The following PEX14 variants were observed in gnomAD, a reference collection of about 807,000 sequenced individuals.
PEX14 encodes the protein peroxisomal biogenesis factor 14.
A neutral mutation model predicts 49.5 loss-of-function variants in PEX14; 15 were observed. The ratio of observed to expected loss-of-function variants is 0.30; its 90% confidence interval spans 0.20 to 0.47. PEX14 has a LOEUF of 0.47. Among genes scored for constraint, PEX14 ranks in the 20% least tolerant of loss-of-function variants. The pLI is 1.00. For synonymous variants in PEX14, 210 were observed against 212.7 expected, an observed-to-expected ratio of 0.99 and a Z score of 0.11; for missense variants, 398 against 494.8, an observed-to-expected ratio of 0.80 and a Z score of 1.86.
At chr1:10,505,578 G>A (rs1641767883) in intron 2 of PEX14, among the ~76,000 whole-genome samples, 2 of 151,684 alleles carry the variant, frequency 1.3e-5, no homozygotes, top group African/African-American at 4.8e-5. Flanking sequence ...GGGTCCCACC[G>A]TGTTGGCCAG....
chr1:10,501,820 A>C (rs961810710), intron 2 of PEX14, among the ~76,000 whole-genome samples: 1 of 152,080 alleles, frequency 6.6e-6, no homozygotes, highest in Non-Finnish European at 1.5e-5. Context: ...CTGAGGTGGG[A>C]GGCTTACTTA....
At chr1:10,549,013 G>A (rs1329620930) in intron 3 of PEX14, among the ~76,000 whole-genome samples, 1 of 152,122 alleles carries the variant, frequency 6.6e-6, no homozygotes, top group Non-Finnish European at 1.5e-5. Flanking sequence ...AGATTGTTGA[G>A]TAGATTGTCT....
intron 4 of PEX14, among the ~76,000 whole-genome samples, chr1:10,609,929 G>T (rs558150997): frequency 6.3e-4 from 96 of 151,548 alleles, no homozygotes; most frequent in Middle Eastern, 6.8e-3. Flanking sequence ...TGTATAAATG[G>T]AACCATATAG....
chr1:10,550,293 G>C (rs143700129), intron 3 of PEX14, among the ~76,000 whole-genome samples: 1 of 152,200 alleles, frequency 6.6e-6, no homozygotes, highest in Non-Finnish European at 1.5e-5. Flanking sequence ...ATTTGATCTA[G>C]GAACTCCTGC....
intron 2 of PEX14, among the ~76,000 whole-genome samples, chr1:10,499,104 A>G (rs892295966): frequency 6.6e-6 from 1 of 152,252 alleles, no homozygotes; most frequent in Non-Finnish European, 1.5e-5. Context: ...TTGTTTGGAT[A>G]CTGAAACTTG....
intron 3 of PEX14, among the ~76,000 whole-genome samples, chr1:10,571,037 T>C: frequency 1.2e-5 from 1 of 82,374 alleles, no homozygotes; most frequent in South Asian, 3.6e-4. Context: ...TTTTTTTTTT[T>C]GTAGAGACGG....
chr1:10,495,191 G>A lies in PEX14; in HGVS notation c.37-83G>A, dbSNP rs899612889. On this transcript the variant is annotated intron_variant, in intron 1 of 8. Transcript: ENST00000356607. This position sits in a 1 kb window ranked among gnomAD's most constrained non-coding sequence, Gnocchi z 4.2. ...TGAGAAAGAGGTGCCAGCGTGCATCGTTTGAGAACGGAACATCTTTGGTTT... is the reference window on the plus strand; with the variant it reads ...TGAGAAAGAGGTGCCAGCGTGCATCATTTGAGAACGGAACATCTTTGGTTT... 6 of 1,577,734 alleles carry A rather than the reference G, an allele frequency of 3.8e-6. No homozygotes were observed. The East Asian group carries it at 9.0e-5, about 24-fold the overall frequency.
chr1:10,626,925 C>T (rs1288465457), intron 7 of PEX14, among the ~76,000 whole-genome samples: 1 of 152,208 alleles, frequency 6.6e-6, no homozygotes, highest in Non-Finnish European at 1.5e-5. Context: ...TGGCTGTTTC[C>T]TCTTTCCACC....
intron 1 of PEX14, among the ~76,000 whole-genome samples, chr1:10,488,070 T>C (rs1257125499): frequency 6.6e-6 from 1 of 152,086 alleles, no homozygotes; most frequent in African/African-American, 2.4e-5. Flanking sequence ...CATCAGCCAC[T>C]GTGCCTGGCC....
intron 3 of PEX14, among the ~76,000 whole-genome samples, chr1:10,562,642 G>T (rs1570270600): frequency 6.6e-6 from 1 of 152,170 alleles, no homozygotes; most frequent in Non-Finnish European, 1.5e-5. Context: ...CATTGATTTT[G>T]ATTTGTTCTG....
chr1:10,531,200 T>G (rs917691815), intron 2 of PEX14, among the ~76,000 whole-genome samples: 14 of 152,142 alleles, frequency 9.2e-5, no homozygotes, highest in African/African-American at 3.1e-4. Flanking sequence ...GATATATAGC[T>G]TCATAATTAG....
rs138233066 is a variant in PEX14 at position 10,475,472 on chromosome 1, G to C, written c.36+470G>C. Among the ~76,000 whole-genome samples the C allele has an allele frequency of 5.9e-3, 899 of 152,320 alleles. 8 individuals carry two copies. The highest frequency in any genetic ancestry group is 0.02 in the African/African-American group (843 of 41,570). ...AGCCTCTTCATCTGTGGTCACCTTT[G>C]CGCTTCTCTCGTCAAGTTGGATAGT... On this transcript the variant is annotated intron_variant, in intron 1 of 8. Coordinates refer to ENST00000356607, the MANE Select transcript of PEX14 (RefSeq NM_004565.3).
chr1:10,504,219 C>T (rs976400984), intron 2 of PEX14, among the ~76,000 whole-genome samples: 1 of 152,136 alleles, frequency 6.6e-6, no homozygotes, highest in African/African-American at 2.4e-5. Flanking sequence ...CCTCCCAGCT[C>T]TCCTTTCTTT....
At position 10,599,149 on chromosome 1, in the gene PEX14, T is replaced by A. The variant is rs1640909757; in HGVS notation, c.170-89T>A. On this transcript the variant is annotated intron_variant, in intron 3 of 8. Transcript: ENST00000356607. Reference sequence around the variant, plus strand: ...ACTAGGATGCGAGGCATTCTGTGGCTGTAAAGGTCTTTGCTCAGTGAAGAT... The same window carrying A: ...ACTAGGATGCGAGGCATTCTGTGGCAGTAAAGGTCTTTGCTCAGTGAAGAT... The A allele has an allele frequency of 7.4e-6, 10 of 1,343,324 alleles. 1 individual carries two copies. The South Asian group carries it at 1.2e-4, about 16-fold the overall frequency. The allele number at this position is 1,343,324 out of a possible 1,614,324, so 83.2% of individuals were successfully genotyped here.
chr1:10,538,320 A>T (rs1354759406), intron 3 of PEX14, among the ~76,000 whole-genome samples: 1 of 152,220 alleles, frequency 6.6e-6, no homozygotes, highest in Admixed American at 6.5e-5. Context: ...GGTACAGTGG[A>T]CATAATTCCT....
intron 2 of PEX14, among the ~76,000 whole-genome samples, chr1:10,520,312 A>G (rs1037350419): frequency 6.6e-6 from 1 of 151,882 alleles, no homozygotes; most frequent in African/African-American, 2.4e-5. Context: ...GCATATGCCA[A>G]CATGCCCAGC....
At chr1:10,555,877 C>G (rs1024479053) in intron 3 of PEX14, among the ~76,000 whole-genome samples, 2 of 152,168 alleles carry the variant, frequency 1.3e-5, no homozygotes, top group Non-Finnish European at 2.9e-5. Context: ...CTGGGACACA[C>G]AGGAATAGAT....
At chr1:10,564,298 C>T (rs776717419) in intron 3 of PEX14, among the ~76,000 whole-genome samples, 10 of 152,076 alleles carry the variant, frequency 6.6e-5, no homozygotes, top group East Asian at 1.9e-4. Context: ...ATTGTCCATC[C>T]GCTTTTCTTT....
intron 7 of PEX14, among the ~76,000 whole-genome samples, chr1:10,626,365 G>A (rs1459516935): frequency 6.6e-6 from 1 of 152,206 alleles, no homozygotes; most frequent in Non-Finnish European, 1.5e-5. Context: ...AACCCTGAGG[G>A]GCTGTGTCTG....
Sources: allele counts gnomAD v4.1 joint callset (sites outside exome capture counted in the v4.1 genomes callset), GRCh38; gene constraint gnomAD v4.1.1; non-coding constraint Gnocchi (gnomAD v3.1); transcripts MANE v1.5; gene names NCBI Gene and HGNC (gene_info 2026-07-23, HGNC 2026-07-21).